Variants in DST observed in about 807,000 individuals in gnomAD.
DST encodes bullous pemphigoid antigen.
A neutral mutation model predicts 875.2 loss-of-function variants in DST; 253 were observed. That is an observed-to-expected ratio of 0.29 (90% CI 0.26 to 0.32). DST has a LOEUF of 0.32. Among genes scored for constraint, DST ranks in the 10% least tolerant of loss-of-function variants. The probability of loss-of-function intolerance (pLI) is 1.00; values close to 1 mark genes in which losing one functional copy is unlikely to be tolerated. For synonymous variants in DST, 3,124 were observed against 3,197.1 expected (o/e 0.98, Z 0.77); for missense variants, 8,287 against 9,111.6 (o/e 0.91, Z 3.68).
At chr6:56,733,943 C>T (rs1212451949) in intron 5 of DST, among the ~76,000 whole-genome samples, 5 of 152,114 alleles carry the variant, frequency 3.3e-5, no homozygotes, top group African/African-American at 4.8e-5. Flanking sequence ...AAAGGCAAAA[C>T]TTTTAAGAAT....
intron 10 of DST, among the ~76,000 whole-genome samples, chr6:56,660,916 T>G (rs1261259664): frequency 6.6e-6 from 1 of 152,010 alleles, no homozygotes; most frequent in African/African-American, 2.4e-5. Context: ...GCTTAGTTAG[T>G]ACTTCAAGGT....
At chr6:56,754,790 T>G (rs879300368) in intron 4 of DST, among the ~76,000 whole-genome samples, 14 of 152,260 alleles carry the variant, frequency 9.2e-5, no homozygotes, top group Middle Eastern at 3.4e-3. Flanking sequence ...CCTAAAAATA[T>G]TTTCTAACAG....
Position 56,553,381 on chromosome 6 carries a change from C to T in DST, c.15411G>A (p.Gln5137=). The change falls in exon 61 of 104, where the codon CAG becomes CAA. Residue 5137 remains glutamine, a synonymous_variant. Transcript: ENST00000680361. ...TGGTTTTAATTGTATTAAGCTGTAA[C>T]TGTAAGGCTGCCTTCTCAGACCCTT... The part of the protein sequence containing the change: ...KTQGSEKAAL[Q]LQLNTIKTNW... 1 of 1,603,540 alleles carries T rather than the reference C, an allele frequency of 6.2e-7. No individual in the cohort carries two copies. The highest frequency in any genetic ancestry group is 8.5e-7 in the Non-Finnish European group (1 of 1,176,422).
chr6:56,539,031 G>A (rs1480959172), intron 61 of DST, among the ~76,000 whole-genome samples: 1 of 151,956 alleles, frequency 6.6e-6, no homozygotes, highest in Non-Finnish European at 1.5e-5. Flanking sequence ...CGGAGGGTGG[G>A]GGTGTACAAA....
At chr6:56,496,416 T>C (rs563993401) in intron 82 of DST, among the ~76,000 whole-genome samples, 7 of 152,226 alleles carry the variant, frequency 4.6e-5, no homozygotes, top group Admixed American at 4.6e-4. Flanking sequence ...TGTGTCTGTA[T>C]TTGGTGTAAG....
chr6:56,936,771 A>T (rs1813222842), intron 2 of DST, among the ~76,000 whole-genome samples: 1 of 152,186 alleles, frequency 6.6e-6, no homozygotes, highest in Non-Finnish European at 1.5e-5. Flanking sequence ...TAAAAAGAGC[A>T]GAAGAGAATA....
At chr6:56,678,737 T>C (rs532596882) in intron 9 of DST, among the ~76,000 whole-genome samples, 118 of 152,294 alleles carry the variant, frequency 7.7e-4, no homozygotes, top group African/African-American at 2.8e-3. Flanking sequence ...TGTCCCCCTC[T>C]ACCAGAGAGA....
At chr6:56,478,928 T>C (rs1170403753) in intron 90 of DST, among the ~76,000 whole-genome samples, 1 of 152,060 alleles carries the variant, frequency 6.6e-6, no homozygotes, top group Non-Finnish European at 1.5e-5. Flanking sequence ...TGGGACTTAA[T>C]TAAATAAAAA....
intron 4 of DST, among the ~76,000 whole-genome samples, chr6:56,816,356 C>T (rs2099766466): frequency 1.3e-5 from 2 of 151,472 alleles, no homozygotes; most frequent in Admixed American, 6.6e-5. Context: ...AAAAGTACTT[C>T]GATACTCTGA....
At chr6:56,862,897 CAG>C (rs1029822469) in intron 3 of DST, among the ~76,000 whole-genome samples, 3 of 152,052 alleles carry the variant, frequency 2.0e-5, no homozygotes, top group African/African-American at 7.2e-5. Flanking sequence ...AGTGGGGAGA[CAG>C]AGAATAGCAG....
In DST at chr6:56,893,562, C is replaced by CTTTTTTTTTTT. The variant is rs1282483681; in HGVS notation, c.417+6848_417+6858dup. ...TCAAATGGTAGTCCTACTTTTAGTTCTTTTTTTTTTTTTTTTTTTTTTTTT... is the reference window on the plus strand; with the variant it reads ...TCAAATGGTAGTCCTACTTTTAGTTCTTTTTTTTTTTTTTTTTTTTTTTTTTTTTTTTTTTT... On this transcript the variant is annotated intron_variant, in intron 3 of 103. Coordinates refer to ENST00000680361, the MANE Select transcript of DST (RefSeq NM_001374736.1). Among the ~76,000 whole-genome samples the CTTTTTTTTTTT allele has an allele frequency of 8.3e-3, 299 of 35,890 alleles. 1 individual carries two copies. Among genetic ancestry groups the CTTTTTTTTTTT allele is most frequent in the Middle Eastern group, 0.02 (1 of 50 alleles). 23.5% of individuals were successfully genotyped at this position (35,890 alleles called of 152,430 possible). A position where few individuals can be genotyped will look rare whatever the true frequency, so the allele number is the denominator to read the frequency against.
At chr6:56,776,690 A>G (rs2099679911) in intron 4 of DST, among the ~76,000 whole-genome samples, 2 of 152,192 alleles carry the variant, frequency 1.3e-5, no homozygotes. Flanking sequence ...GAAACCTTTC[A>G]AGAGTGAAAA....
intron 36 of DST, chr6:56,620,624 G>GT (rs1563248264): frequency 1.2e-6 from 2 of 1,613,858 alleles, no homozygotes; most frequent in Non-Finnish European, 1.7e-6. Flanking sequence ...TATCTTTCCT[G>GT]TAAGTTTGCT....
intron 2 of DST, among the ~76,000 whole-genome samples, chr6:56,912,656 C>T (rs1799264152): frequency 6.6e-6 from 1 of 152,194 alleles, no homozygotes; most frequent in Non-Finnish European, 1.5e-5. Flanking sequence ...CATAGATCAG[C>T]AAGTGGGGGT....
intron 10 of DST, among the ~76,000 whole-genome samples, chr6:56,658,798 C>G (rs2099023704): frequency 6.6e-6 from 1 of 152,104 alleles, no homozygotes; most frequent in Non-Finnish European, 1.5e-5. Context: ...GCTCAGAGCT[C>G]CAAAGGGAGC....
At chr6:56,634,096 T>C in intron 27 of DST, 36 bp downstream of exon 27, 1 of 1,611,538 alleles carries the variant, frequency 6.2e-7, no homozygotes. Flanking sequence ...TGCACATTTT[T>C]GGACATATCG....
intron 16 of DST, 153 bp from the exon 17 acceptor site, chr6:56,642,254 C>A: frequency 1.1e-6 from 1 of 877,416 alleles, no homozygotes; most frequent in Non-Finnish European, 1.9e-6. Context: ...TCTTGTCTCT[C>A]AAGAGAGCAA....
intron 4 of DST, among the ~76,000 whole-genome samples, chr6:56,772,705 A>G (rs1183646563): frequency 6.6e-6 from 1 of 152,196 alleles, no homozygotes; most frequent in Non-Finnish European, 1.5e-5. Context: ...CATTTCATAC[A>G]TGAGCGAAAA....
intron 2 of DST, among the ~76,000 whole-genome samples, chr6:56,937,433 T>C (rs1459229910): frequency 6.6e-6 from 1 of 152,196 alleles, no homozygotes; most frequent in Non-Finnish European, 1.5e-5. Context: ...CATTAGTCTT[T>C]AGGGAAATGC....
Sources: gnomAD v4.1 joint callset for allele counts (sites outside exome capture counted in the v4.1 genomes callset) on GRCh38, gnomAD v4.1.1 for gene constraint, MANE v1.5 for transcripts, NCBI Gene and HGNC (gene_info 2026-07-23, HGNC 2026-07-21) for gene names.